TNRC18: variants seen among roughly 807,000 people sequenced by gnomAD.
TNRC18 encodes trinucleotide repeat containing 18.
A neutral mutation model predicts 226.7 loss-of-function variants in TNRC18; 69 were observed. The observed-to-expected ratio is 0.30, with a 90% CI of 0.25 to 0.37. The LOEUF (loss-of-function observed/expected upper bound fraction) is 0.37, where lower values mean the gene tolerates loss of function less well. TNRC18 is among the 10% of genes least tolerant of loss of function. The pLI, the probability that TNRC18 is intolerant of heterozygous loss-of-function variation, is 1.00. For synonymous variants in TNRC18, 2,449 were observed against 1,927.6 expected (o/e 1.27, Z -7.09); for missense variants, 4,754 against 4,256.6 (o/e 1.12, Z -3.25).
In TNRC18 at chr7:5,370,747, C is replaced by T. The variant is rs370468294; in HGVS notation, c.3847G>A (p.Ala1283Thr). 3 of 1,604,340 alleles carry T rather than the reference C, an allele frequency of 1.9e-6. No homozygotes were observed. Among genetic ancestry groups the T allele is most frequent in the Non-Finnish European group, 2.6e-6 (3 of 1,176,262 alleles). The change falls in exon 11 of 30, where the codon GCA becomes ACA. Residue 1283 changes from alanine (A) to threonine (T), a missense_variant. By Grantham distance (58) the Ala-to-Thr change is moderately conservative. Transcript: ENST00000430969. ...AGGGTGGGCTGGGACTCGCTCGGTG[C>T]CACCTGCGCCAGGCCTTCCTCGGGC... ...AVPEEGLAQV[A>T]PSESQPTLEM...
intron 5 of TNRC18, among the ~76,000 whole-genome samples, chr7:5,385,984 A>AAC (rs2128190194): frequency 1.0e-5 from 1 of 99,924 alleles, no homozygotes; most frequent in South Asian, 2.6e-4. Flanking sequence ...GTCTGTCTCA[A>AAC]AAAAAAAAAA....
rs898161035 is a variant in TNRC18, at chr7:5,421,118, C to A, written c.129G>T (p.Leu43Phe). 8 of 1,466,858 alleles carry A rather than the reference C, an allele frequency of 5.5e-6. No homozygotes were observed. The highest frequency in any genetic ancestry group is 7.3e-6 in the Non-Finnish European group (8 of 1,101,602). The allele number at this position is 1,466,858 out of a possible 1,614,324, so 90.9% of individuals were successfully genotyped here. The part of the protein sequence containing the change: ...ATAGRLPASG[L>F]PGPLPPGKYM... ...ACTTCCCGGGCGGCAGCGGGCCGGG[C>A]AAGCCCGAGGCGGGCAAGCGTCCGG... is the stretch of plus-strand genomic sequence containing the variant. The change falls in exon 2 of 30, where the codon TTG becomes TTT. Residue 43 changes from leucine (L) to phenylalanine (F), a missense_variant. Physicochemically the swap from Leu to Phe is conservative, Grantham distance 22. Transcript: ENST00000430969.
chr7:5,360,877 G>GT, intron 14 of TNRC18, among the ~76,000 whole-genome samples: 1 of 152,120 alleles, frequency 6.6e-6, no homozygotes, highest in African/African-American at 2.4e-5. Context: ...CCCTCCGAAG[G>GT]TCCCCCCACG....
At chr7:5,382,718 G>C (rs895576250) in intron 5 of TNRC18, among the ~76,000 whole-genome samples, 5 of 152,062 alleles carry the variant, frequency 3.3e-5, no homozygotes, top group African/African-American at 4.8e-5. Flanking sequence ...CCAGTGAAGA[G>C]GTAGGAAAGA....
At chr7:5,342,161 G>C (rs1790748862) in intron 18 of TNRC18, among the ~76,000 whole-genome samples, 1 of 152,228 alleles carries the variant, frequency 6.6e-6, no homozygotes, top group Admixed American at 6.5e-5. Flanking sequence ...GGGTGCAGTG[G>C]CTCACGCCTG....
chr7:5,358,415 C>T (rs1250805713), intron 15 of TNRC18, among the ~76,000 whole-genome samples: 1 of 152,202 alleles, frequency 6.6e-6, no homozygotes, highest in African/African-American at 2.4e-5. Context: ...AAGCATCCCT[C>T]ACCACAATTT....
chr7:5,307,378 G>A lies in TNRC18; in HGVS notation c.*728C>T. On this transcript the variant is annotated 3_prime_UTR_variant, in exon 30 of 30. Coordinates refer to ENST00000430969, the MANE Select transcript of TNRC18 (RefSeq NM_001080495.3). ...AATAAAACTGTACAGGTTAAGAAGTGCCACCTCCCTCCTGGGTGGGGAGGG... is the reference window on the plus strand; with the variant it reads ...AATAAAACTGTACAGGTTAAGAAGTACCACCTCCCTCCTGGGTGGGGAGGG... 3.5e-6 allele frequency: 1 copy of A among 282,892 alleles called. No homozygotes were observed. 17.5% of individuals were successfully genotyped at this position (282,892 alleles called of 1,614,324 possible). A position where few individuals can be genotyped will look rare whatever the true frequency, so the allele number is the denominator to read the frequency against.
intron 2 of TNRC18, among the ~76,000 whole-genome samples, chr7:5,409,268 A>G (rs1781686182): frequency 6.6e-6 from 1 of 152,198 alleles, no homozygotes; most frequent in Admixed American, 6.5e-5. Flanking sequence ...ACAATGCATG[A>G]AAGAAGAAAA....
intron 5 of TNRC18, among the ~76,000 whole-genome samples, chr7:5,378,416 A>T: frequency 6.6e-6 from 1 of 151,178 alleles, no homozygotes; most frequent in Middle Eastern, 3.4e-3. Flanking sequence ...TTTTATTTTT[A>T]TTTATTTATT....
At chr7:5,357,360 G>A in intron 15 of TNRC18, 84 bp from the exon 16 acceptor site, 4 of 1,428,768 alleles carry the variant, frequency 2.8e-6, no homozygotes, top group Non-Finnish European at 3.7e-6. Flanking sequence ...GCCCAGCCTG[G>A]GCTCCAATCC....
rs911314352 is a variant in TNRC18, at chr7:5,357,593, C to G, written c.4834-317G>C. ...TCGACCTCTGGGCTCTGTGACCCTC[C>G]CGCCTCAGCTTTTCTGGTAGCTGGG... On this transcript the variant is annotated intron_variant, in intron 15 of 29. Coordinates refer to ENST00000430969, the MANE Select transcript of TNRC18 (RefSeq NM_001080495.3). Among the ~76,000 whole-genome samples the G allele has an allele frequency of 2.6e-4, 40 of 152,172 alleles. 1 individual carries two copies. Among genetic ancestry groups the G allele is most frequent in the Non-Finnish European group, 8.8e-5 (6 of 68,030 alleles).
rs1292647715 is a variant in TNRC18 at position 5,325,264 on chromosome 7, G to A, written c.6148-16C>T. On this transcript the variant is annotated splice_polypyrimidine_tract_variant and intron_variant, in intron 19 of 29. Transcript: ENST00000430969. ...CTTTCTTCTTCTGGAGGAGGAAGCA[G>A]CAGAGAGGAGCCATCAAACGGCAGG... 8 of 1,546,418 alleles carry A rather than the reference G, an allele frequency of 5.2e-6. No homozygotes were observed. The Admixed American group carries it at 1.4e-4, about 26-fold the overall frequency.
chr7:5,352,632 C>T (rs769958164), intron 16 of TNRC18, among the ~76,000 whole-genome samples: 13 of 152,264 alleles, frequency 8.5e-5, no homozygotes, highest in Admixed American at 2.0e-4. Flanking sequence ...ACGCTGTTAC[C>T]GCTAGCAGAT....
rs1208946630 is a variant in TNRC18 at position 5,394,525 on chromosome 7, C to T, written c.258G>A (p.Val86=). ...GGAAAGACAGGTCAGAGGGCAGTGG[C>T]ACTGGGCTCCCATGGGACGAGGCCG... The part of the protein sequence containing the change: ...GPSASSHGSP[V]PLPSDLSFRS... The change falls in exon 3 of 30, where the codon GTG becomes GTA. Residue 86 remains valine, a synonymous_variant. Coordinates refer to ENST00000430969, the MANE Select transcript of TNRC18 (RefSeq NM_001080495.3). This position sits in a 1 kb window ranked among gnomAD's most constrained non-coding sequence, Gnocchi z 4.5. 13 of 1,554,580 alleles carry T rather than the reference C, an allele frequency of 8.4e-6. No homozygotes were observed. Among genetic ancestry groups the T allele is most frequent in the African/African-American group, 1.4e-5 (1 of 72,898 alleles).
intron 11 of TNRC18, among the ~76,000 whole-genome samples, chr7:5,363,341 G>A (rs1021575276): frequency 4.6e-5 from 7 of 152,018 alleles, no homozygotes; most frequent in African/African-American, 1.4e-4. Flanking sequence ...GGTGGCTCAC[G>A]CCTGTAATCC....
intron 2 of TNRC18, among the ~76,000 whole-genome samples, chr7:5,395,675 G>T (rs535910730): frequency 6.6e-6 from 1 of 152,236 alleles, no homozygotes; most frequent in Non-Finnish European, 1.5e-5. Context: ...GATAGGGAAG[G>T]AAGCATGTGT....
chr7:5,331,336 C>G (rs1170884130), intron 19 of TNRC18, among the ~76,000 whole-genome samples: 1 of 152,104 alleles, frequency 6.6e-6, no homozygotes, highest in Non-Finnish European at 1.5e-5. Flanking sequence ...AAAAGGGTAA[C>G]AGGCCCGATT....
At chr7:5,357,369 C>T (rs1583897058) in intron 15 of TNRC18, 93 bp from the exon 16 acceptor site, 1 of 1,322,138 alleles carries the variant, frequency 7.6e-7, no homozygotes, top group East Asian at 2.5e-5. Context: ...GGGCTCCAAT[C>T]CTTCACCTGC....
At chr7:5,411,228 A>G (rs1049712136) in intron 2 of TNRC18, among the ~76,000 whole-genome samples, 8 of 151,508 alleles carry the variant, frequency 5.3e-5, no homozygotes, top group African/African-American at 9.7e-5. Flanking sequence ...AAAAAAAAAA[A>G]AAAAAGAAAA....
Sources: allele counts gnomAD v4.1 joint callset (sites outside exome capture counted in the v4.1 genomes callset), GRCh38; gene constraint gnomAD v4.1.1; non-coding constraint Gnocchi (gnomAD v3.1); transcripts MANE v1.5; gene names NCBI Gene and HGNC (gene_info 2026-07-23, HGNC 2026-07-21).